ALG8: variants seen among roughly 807,000 people sequenced by gnomAD.
ALG8 encodes the protein ALG8 alpha-1,3-glucosyltransferase, also known as dolichyl pyrophosphate Glc1Man9GlcNAc2 alpha-1,3-glucosyltransferase.
Under a neutral mutation model 70.2 loss-of-function variants are expected in ALG8, and 48 were observed. The observed-to-expected ratio is 0.68, with a 90% CI of 0.54 to 0.87. The LOEUF (loss-of-function observed/expected upper bound fraction) is 0.87, where lower values mean the gene tolerates loss of function less well. Ranked by LOEUF, ALG8 falls within the 40% of genes least tolerant of loss-of-function variation. ALG8 has a pLI of 0.00. For missense variants in ALG8, 572 were observed against 608.7 expected (o/e 0.94, Z 0.64); for synonymous variants, 234 against 229.0 (o/e 1.02, Z -0.20).
chr11:78,123,915 T>A, intron 3 of ALG8, 106 bp downstream of exon 3: 1 of 1,242,314 alleles, frequency 8.0e-7, no homozygotes, highest in Non-Finnish European at 1.2e-6. Flanking sequence ...TAGCATTTGC[T>A]ATCATATAAA....
chr11:78,119,287 AATTCATAATGAAC>A, intron 4 of ALG8, 38 bp from the exon 5 acceptor site: 1 of 1,431,062 alleles, frequency 7.0e-7, no homozygotes, highest in Non-Finnish European at 9.9e-7. Context: ...GAGGACACCA[AATTCATAATGAAC>A]TATACCAGCT....
chr11:78,130,348 C>CAAAAAAAAAAAAAAA (rs1174378754), intron 1 of ALG8, among the ~76,000 whole-genome samples: 1 of 49,156 alleles, frequency 2.0e-5, no homozygotes, highest in Admixed American at 2.9e-4. Flanking sequence ...GACCCGGTCT[C>CAAAAAAAAAAAAAAA]AAAAAAAAAA....
At chr11:78,137,836 AAC>A (rs1861613209) in intron 1 of ALG8, among the ~76,000 whole-genome samples, 1 of 152,254 alleles carries the variant, frequency 6.6e-6, no homozygotes, top group Non-Finnish European at 1.5e-5. Context: ...ACCAAAATGT[AAC>A]ACAGACACAA....
chr11:78,137,874 G>A (rs1470036715), intron 1 of ALG8, among the ~76,000 whole-genome samples: 1 of 152,164 alleles, frequency 6.6e-6, no homozygotes, highest in Non-Finnish European at 1.5e-5. Flanking sequence ...TTAGAAAAAT[G>A]GCATTGATAG....
intron 9 of ALG8, among the ~76,000 whole-genome samples, chr11:78,107,220 T>C (rs1420551717): frequency 2.8e-5 from 3 of 108,512 alleles, no homozygotes; most frequent in Non-Finnish European, 6.1e-5. Flanking sequence ...TATATATATA[T>C]ATAATTTTTT....
intron 8 of ALG8, 78 bp downstream of exon 8, chr11:78,112,572 C>T (rs139529177): frequency 1.9e-6 from 3 of 1,593,540 alleles, no homozygotes; most frequent in African/African-American, 2.7e-5. Flanking sequence ...ATTCAAAACA[C>T]AAAGGTTTTT....
intron 9 of ALG8, chr11:78,107,839 CAAA>C (rs59453362): frequency 9.8e-4 from 76 of 77,454 alleles, no homozygotes; most frequent in African/African-American, 3.0e-3. Flanking sequence ...GAGACTGTCT[CAAA>C]AAAAAAAAAA....
At chr11:78,124,339 A>C in intron 2 of ALG8, 125 bp from the exon 3 acceptor site, 29 of 929,774 alleles carry the variant, frequency 3.1e-5, no homozygotes, top group Non-Finnish European at 4.2e-5. Flanking sequence ...GTGGTAGCTC[A>C]CACCTGTAAC....
At chr11:78,102,450 T>C (rs186390654) in intron 12 of ALG8, among the ~76,000 whole-genome samples, 1 of 152,366 alleles carries the variant, frequency 6.6e-6, no homozygotes, top group East Asian at 1.9e-4. Context: ...ATCATGTATT[T>C]GTTGATGGAC....
At chr11:78,112,588 T>A (rs748088573) in intron 8 of ALG8, 62 bp downstream of exon 8, 28 of 1,604,700 alleles carry the variant, frequency 1.7e-5, no homozygotes, top group Non-Finnish European at 2.4e-5. Context: ...TTTTTCCATT[T>A]CTCCATGTGC....
chr11:78,107,380 C>A (rs1283016185), intron 9 of ALG8, among the ~76,000 whole-genome samples: 1 of 147,852 alleles, frequency 6.8e-6, no homozygotes, highest in East Asian at 2.0e-4. Flanking sequence ...GCCACCACGC[C>A]CAGCTAATTT....
chr11:78,130,002 CA>C (rs1228722541), intron 1 of ALG8, among the ~76,000 whole-genome samples: 2 of 151,480 alleles, frequency 1.3e-5, no homozygotes, highest in Non-Finnish European at 2.9e-5. Context: ...CAAAAACAAA[CA>C]AAAAAAACCC....
At position 78,101,183 on chromosome 11, in the gene ALG8, A is replaced by C; in HGVS notation, c.1362T>G (p.Pro454=). 1.2e-6 allele frequency: 2 copies of C among 1,613,902 alleles called. No homozygotes were observed. The highest frequency in any genetic ancestry group is 1.1e-5 in the South Asian group (1 of 91,082). The part of the protein sequence containing the change: ...SLKTLFRKEK[P]LFNWMETFYL... ...AGAAAGTTTCCATCCAATTAAAAAG[A>C]GGTTTTTCTTTTCTGAAGGAAAAAA... Residue 454 remains proline (P), a synonymous_variant, in exon 13 of 13, where the codon CCT becomes CCG. Transcript: ENST00000299626.
At chr11:78,114,502 A>G in intron 5 of ALG8, 110 bp from the exon 6 acceptor site, 1 of 1,326,148 alleles carries the variant, frequency 7.5e-7, no homozygotes, top group South Asian at 1.3e-5. Context: ...TAAAGGAAAA[A>G]CGGGTGAAAT....
At chr11:78,117,552 C>G (rs1860630365) in intron 5 of ALG8, among the ~76,000 whole-genome samples, 1 of 150,176 alleles carries the variant, frequency 6.7e-6, no homozygotes, top group Non-Finnish European at 1.5e-5. Flanking sequence ...GTGGGAGGAT[C>G]ACTTGTGGTC....
intron 9 of ALG8, among the ~76,000 whole-genome samples, chr11:78,107,928 C>T (rs1439845737): frequency 2.6e-5 from 4 of 151,130 alleles, no homozygotes; most frequent in Admixed American, 2.0e-4. Flanking sequence ...AAGTCGATTA[C>T]GAGGTCAGGA....
chr11:78,102,895 T>C (rs640016), intron 12 of ALG8: 33,726 of 155,346 alleles, frequency 0.22, 4,554 homozygotes, highest in African/African-American at 0.39. Flanking sequence ...AGGTTTCAGT[T>C]AGCTGAGATC....
intron 1 of ALG8, among the ~76,000 whole-genome samples, chr11:78,131,264 A>G (rs609861): frequency 0.22 from 33,125 of 152,084 alleles, 4,450 homozygotes; most frequent in African/African-American, 0.38. Context: ...CTAAGACTAG[A>G]GACATAATGA....
chr11:78,121,458 T>A (rs1169115516), intron 3 of ALG8, among the ~76,000 whole-genome samples: 2 of 148,866 alleles, frequency 1.3e-5, no homozygotes, highest in East Asian at 3.9e-4. Context: ...CCGAGCAGGG[T>A]GGCAGGTGCC....
Sources: gnomAD v4.1 joint callset for allele counts (sites outside exome capture counted in the v4.1 genomes callset) on GRCh38, gnomAD v4.1.1 for gene constraint, MANE v1.5 for transcripts, NCBI Gene and HGNC (gene_info 2026-07-23, HGNC 2026-07-21) for gene names.